Variants in XKR9 observed in about 807,000 individuals in gnomAD.
XKR9 encodes XK related 9.
Under a neutral mutation model 32.0 loss-of-function variants are expected in XKR9, and 32 were observed. That is an observed-to-expected ratio of 1.00 (90% CI 0.76 to 1.34). The LOEUF is 1.34. Ranked by LOEUF, XKR9 falls within the 40% of genes most tolerant of loss-of-function variation. The pLI is 0.00. For synonymous variants in XKR9, 168 were observed against 143.4 expected, an observed-to-expected ratio of 1.17 and a Z score of -1.22; for missense variants, 546 against 429.7, an observed-to-expected ratio of 1.27 and a Z score of -2.39.
At chr8:70,901,256 C>T in the XKR9 span, among the ~76,000 whole-genome samples, 1 of 152,214 alleles carries the variant, frequency 6.6e-6, no homozygotes, top group African/African-American at 2.4e-5. Flanking sequence ...AATAGTTGAA[C>T]TAGTTTACAG....
intron 2 of XKR9, among the ~76,000 whole-genome samples, chr8:70,745,030 G>A (rs1183339430): frequency 6.7e-6 from 1 of 150,074 alleles, no homozygotes; most frequent in African/African-American, 2.4e-5. Flanking sequence ...AACAATATAT[G>A]TAATGGGAAA....
intron 4 of XKR9, among the ~76,000 whole-genome samples, chr8:70,732,266 C>T (rs1404518657): frequency 2.0e-5 from 3 of 152,220 alleles, no homozygotes; most frequent in Non-Finnish European, 4.4e-5. Flanking sequence ...AAACCAGACA[C>T]CTTGTAATAG....
chr8:70,812,181 A>T, the XKR9 span, among the ~76,000 whole-genome samples: 52 of 152,342 alleles, frequency 3.4e-4, no homozygotes, highest in African/African-American at 9.4e-4. Flanking sequence ...ACAGAACCAA[A>T]GACAAAAACC....
At chr8:70,787,363 C>A (rs906562007) in intron 2 of XKR9, among the ~76,000 whole-genome samples, 1 of 152,044 alleles carries the variant, frequency 6.6e-6, no homozygotes, top group Non-Finnish European at 1.5e-5. Context: ...CTCAAAAGAC[C>A]ACCCTAGTGG....
chr8:70,970,641 C>T, the XKR9 span, among the ~76,000 whole-genome samples: 1 of 152,200 alleles, frequency 6.6e-6, no homozygotes, highest in Admixed American at 6.5e-5. Context: ...CTGCAAAGGA[C>T]ATGAACTCAT....
At chr8:70,957,783 CTTTTTTT>C in the XKR9 span, among the ~76,000 whole-genome samples, 14,304 of 85,660 alleles carry the variant, frequency 0.17, 992 homozygotes, top group Middle Eastern at 0.26. Flanking sequence ...TTCAGTCTAT[CTTTTTTT>C]TTTTTTTTTT....
the XKR9 span, among the ~76,000 whole-genome samples, chr8:70,858,721 T>G: frequency 6.6e-6 from 1 of 152,038 alleles, no homozygotes; most frequent in Non-Finnish European, 1.5e-5. Context: ...AGCCAACTGA[T>G]TTTTGACAAA....
chr8:70,764,300 G>T (rs1169974868), intron 2 of XKR9, among the ~76,000 whole-genome samples: 1 of 152,112 alleles, frequency 6.6e-6, no homozygotes, highest in East Asian at 1.9e-4. Context: ...TTGCAATGGA[G>T]TCCCAAAGGG....
chr8:70,769,586 C>T (rs1005983267), intron 2 of XKR9, among the ~76,000 whole-genome samples: 5 of 151,954 alleles, frequency 3.3e-5, no homozygotes, highest in African/African-American at 1.2e-4. Flanking sequence ...ATGAATTGTA[C>T]GTTTGGTTTT....
At chr8:70,877,682 T>C in the XKR9 span, among the ~76,000 whole-genome samples, 1 of 152,084 alleles carries the variant, frequency 6.6e-6, no homozygotes, top group African/African-American at 2.4e-5. Context: ...AAATCTACAT[T>C]TGATTGGTGT....
At chr8:71,047,902 G>T in the XKR9 span, among the ~76,000 whole-genome samples, 1 of 152,196 alleles carries the variant, frequency 6.6e-6, no homozygotes, top group Admixed American at 6.5e-5. Flanking sequence ...GTAACTTGGA[G>T]TTACTAAAAG....
At chr8:70,762,698 G>A (rs1807324634) in intron 2 of XKR9, among the ~76,000 whole-genome samples, 1 of 152,120 alleles carries the variant, frequency 6.6e-6, no homozygotes, top group Non-Finnish European at 1.5e-5. Flanking sequence ...AGCTGTTCAT[G>A]TCAACAAATA....
At chr8:70,823,143 C>T in the XKR9 span, among the ~76,000 whole-genome samples, 1 of 152,172 alleles carries the variant, frequency 6.6e-6, no homozygotes, top group African/African-American at 2.4e-5. Context: ...TCTTTTGTGT[C>T]TGAATGCCTT....
the XKR9 span, among the ~76,000 whole-genome samples, chr8:70,865,549 A>T: frequency 1.3e-5 from 2 of 151,818 alleles, no homozygotes; most frequent in Non-Finnish European, 2.9e-5. Context: ...GTTTTCTGCA[A>T]TTGTAATTAT....
the XKR9 span, among the ~76,000 whole-genome samples, chr8:71,024,021 G>T: frequency 6.6e-6 from 1 of 152,162 alleles, no homozygotes; most frequent in Non-Finnish European, 1.5e-5. Context: ...TCTCCAGCTG[G>T]CATGCTTGGG....
chr8:70,904,318 T>C, the XKR9 span, among the ~76,000 whole-genome samples: 1 of 152,214 alleles, frequency 6.6e-6, no homozygotes, highest in Admixed American at 6.5e-5. Context: ...GGTGCATGTA[T>C]ATTTGGGATA....
chr8:70,929,262 T>C, the XKR9 span, among the ~76,000 whole-genome samples: 1 of 152,182 alleles, frequency 6.6e-6, no homozygotes. Flanking sequence ...TATCGAGCAC[T>C]TGAAATGTGG....
At chr8:70,939,583 G>C in the XKR9 span, among the ~76,000 whole-genome samples, 1 of 152,088 alleles carries the variant, frequency 6.6e-6, no homozygotes, top group South Asian at 2.1e-4. Flanking sequence ...ATAAATATTT[G>C]AGGACTGACA....
chr8:70,837,950 A>G, the XKR9 span, among the ~76,000 whole-genome samples: 87 of 152,116 alleles, frequency 5.7e-4, no homozygotes, highest in Non-Finnish European at 9.3e-4. Flanking sequence ...CTTCATTATC[A>G]TTTATTATTA....
Sources: gnomAD v4.1 joint callset for allele counts (sites outside exome capture counted in the v4.1 genomes callset) on GRCh38, gnomAD v4.1.1 for gene constraint, MANE v1.5 for transcripts, NCBI Gene and HGNC (gene_info 2026-07-23, HGNC 2026-07-21) for gene names.